ARHGAP26: variants seen among roughly 807,000 people sequenced by gnomAD.
The protein encoded by ARHGAP26 is Rho GTPase activating protein 26.
A neutral mutation model predicts 104.8 loss-of-function variants in ARHGAP26; 38 were observed. That is an observed-to-expected ratio of 0.36 (90% confidence interval 0.28 to 0.48). The LOEUF is 0.48. ARHGAP26 is among the 20% of genes least tolerant of loss of function. ARHGAP26 has a pLI of 0.99. For missense variants in ARHGAP26, 704 were observed against 947.9 expected (o/e 0.74, Z 3.38); for synonymous variants, 341 against 340.0 (o/e 1.00, Z -0.03).
At chr5:142,893,551 A>G (rs1363954671) in intron 5 of ARHGAP26, among the ~76,000 whole-genome samples, 2 of 152,204 alleles carry the variant, frequency 1.3e-5, no homozygotes, top group Non-Finnish European at 2.9e-5. Context: ...TAGTGCTGCA[A>G]TAAACATGGG....
intron 11 of ARHGAP26, among the ~76,000 whole-genome samples, chr5:142,978,082 T>TA (rs1377766729): frequency 6.6e-6 from 1 of 152,246 alleles, no homozygotes; most frequent in Non-Finnish European, 1.5e-5. Context: ...TAGGTTCTTG[T>TA]AGGCCTTCCC....
chr5:142,888,546 T>A (rs1230734310), intron 5 of ARHGAP26, among the ~76,000 whole-genome samples: 1 of 152,222 alleles, frequency 6.6e-6, no homozygotes, highest in Non-Finnish European at 1.5e-5. Context: ...GTGGTACACC[T>A]TTGATGAAAC....
chr5:142,793,584 A>T (rs573446292), intron 1 of ARHGAP26, among the ~76,000 whole-genome samples: 1 of 151,238 alleles, frequency 6.6e-6, no homozygotes, highest in Non-Finnish European at 1.5e-5. Context: ...TTATTTATTT[A>T]TTTTTTCTTT....
intron 14 of ARHGAP26, among the ~76,000 whole-genome samples, chr5:143,053,238 G>A (rs1785292545): frequency 6.6e-6 from 1 of 152,152 alleles, no homozygotes. Flanking sequence ...CCCTCATCCA[G>A]GCACTGAGTC....
At chr5:142,803,932 T>G (rs533828226) in intron 1 of ARHGAP26, among the ~76,000 whole-genome samples, 1 of 152,332 alleles carries the variant, frequency 6.6e-6, no homozygotes, top group African/African-American at 2.4e-5. Context: ...TACACAACAC[T>G]TCCTTTGTGA....
chr5:142,876,308 C>T (rs1756088227), intron 3 of ARHGAP26, among the ~76,000 whole-genome samples: 1 of 152,150 alleles, frequency 6.6e-6, no homozygotes, highest in South Asian at 2.1e-4. Context: ...CACCAAGATG[C>T]ATTTTCTATT....
In ARHGAP26 at chr5:143,227,317, G is replaced by C. The variant is rs1811749654; in HGVS notation, c.*4871G>C. On this transcript the variant is annotated 3_prime_UTR_variant, in exon 23 of 23. Coordinates refer to ENST00000645722, the MANE Select transcript of ARHGAP26 (RefSeq NM_001135608.3). ...GAATGACCTAGGTGTTCTGCCAAAGGAGTTATCTATCATCTCTGGCAAACT... is the reference window on the plus strand; with the variant it reads ...GAATGACCTAGGTGTTCTGCCAAAGCAGTTATCTATCATCTCTGGCAAACT... 4.3e-6 allele frequency: 1 copy of C among 230,646 alleles called. No individual in the cohort carries two copies. Among genetic ancestry groups the C allele is most frequent in the South Asian group, 1.8e-4 (1 of 5,504 alleles). The allele number at this position is 230,646 out of a possible 1,614,324, so 14.3% of individuals were successfully genotyped here.
At chr5:142,869,202 T>TTTTTTC (rs1458083725) in intron 1 of ARHGAP26, among the ~76,000 whole-genome samples, 4 of 132,980 alleles carry the variant, frequency 3.0e-5, no homozygotes, top group African/African-American at 9.5e-5. Flanking sequence ...TTTCTTTTTC[T>TTTTTTC]TTTTTCTTTT....
chr5:143,212,133 C>T (rs1264279804), intron 21 of ARHGAP26, among the ~76,000 whole-genome samples: 1 of 152,160 alleles, frequency 6.6e-6, no homozygotes, highest in Non-Finnish European at 1.5e-5. Flanking sequence ...CTTCCCTGGT[C>T]TCTTTGCTTT....
At chr5:142,805,201 C>T (rs1193269009) in intron 1 of ARHGAP26, among the ~76,000 whole-genome samples, 2 of 150,994 alleles carry the variant, frequency 1.3e-5, no homozygotes, top group Non-Finnish European at 2.9e-5. Flanking sequence ...CTCTCGGGTT[C>T]AAGCAGTTCT....
At chr5:142,793,306 G>A (rs373244589) in intron 1 of ARHGAP26, among the ~76,000 whole-genome samples, 13 of 141,574 alleles carry the variant, frequency 9.2e-5, no homozygotes, top group African/African-American at 3.5e-4. Context: ...TTGAGGGGTC[G>A]TAGCTTTGGT....
At chr5:142,828,292 G>A (rs1767701243) in intron 1 of ARHGAP26, among the ~76,000 whole-genome samples, 1 of 152,192 alleles carries the variant, frequency 6.6e-6, no homozygotes, top group Admixed American at 6.5e-5. Context: ...GTAGCTGAAA[G>A]ATTATTCCTG....
rs931104141 is a variant in ARHGAP26, at chr5:143,103,146, A to G, written c.1539-17842A>G. On this transcript the variant is annotated intron_variant, in intron 17 of 22. Coordinates refer to ENST00000645722, the MANE Select transcript of ARHGAP26 (RefSeq NM_001135608.3). The stretch of plus-strand genomic sequence containing the variant: ...AACTAAGGTGCCATCCTTGCCTGGT[A>G]TGTCGTCTTCTTTACCTGTTCTTTT... The G allele has an allele frequency of 9.3e-6, 6 of 641,754 alleles. No homozygotes were observed. In the African/African-American group the frequency reaches 1.0e-4, roughly 11 times the overall value. 39.8% of individuals were successfully genotyped at this position (641,754 alleles called of 1,614,324 possible).
At chr5:143,071,247 A>G (rs1468781921) in intron 17 of ARHGAP26, among the ~76,000 whole-genome samples, 1 of 152,232 alleles carries the variant, frequency 6.6e-6, no homozygotes, top group Non-Finnish European at 1.5e-5. Context: ...TGTAGTAACC[A>G]AAGCAGCATG....
intron 20 of ARHGAP26, among the ~76,000 whole-genome samples, chr5:143,158,874 CACAA>C (rs10571955): frequency 0.21 from 32,552 of 151,900 alleles, 3,885 homozygotes; most frequent in East Asian, 0.39. Context: ...TGTTATTGTC[CACAA>C]ACAAACAAAC....
chr5:143,149,098 A>G (rs1273452516), intron 20 of ARHGAP26, among the ~76,000 whole-genome samples: 1 of 152,068 alleles, frequency 6.6e-6, no homozygotes, highest in Admixed American at 6.5e-5. Flanking sequence ...AGGTGTCTAG[A>G]TACGATTTAT....
At chr5:142,950,498 T>C (rs563613798) in intron 11 of ARHGAP26, among the ~76,000 whole-genome samples, 1 of 152,154 alleles carries the variant, frequency 6.6e-6, no homozygotes, top group Non-Finnish European at 1.5e-5. Context: ...ACAACTCTAT[T>C]CATTTCTTTT....
chr5:142,777,710 A>T (rs1662439682), intron 1 of ARHGAP26, among the ~76,000 whole-genome samples: 1 of 151,958 alleles, frequency 6.6e-6, no homozygotes, highest in Admixed American at 6.5e-5. Context: ...GGCTTTTTGG[A>T]TGGAGGTAAC....
At chr5:143,212,029 T>G (rs76475610) in intron 21 of ARHGAP26, among the ~76,000 whole-genome samples, 50 of 152,322 alleles carry the variant, frequency 3.3e-4, no homozygotes, top group African/African-American at 1.2e-3. Context: ...TTTTGTCCCA[T>G]TATCCTTGTT....
Sources: gnomAD v4.1 joint callset for allele counts (sites outside exome capture counted in the v4.1 genomes callset) on GRCh38, gnomAD v4.1.1 for gene constraint, MANE v1.5 for transcripts, NCBI Gene and HGNC (gene_info 2026-07-23, HGNC 2026-07-21) for gene names.